Variants in ZNF385D observed in about 807,000 individuals in gnomAD.
ZNF385D encodes the protein zinc finger protein 385D.
Under a neutral mutation model 35.8 loss-of-function variants are expected in ZNF385D, and 15 were observed. The ratio of observed to expected loss-of-function variants is 0.42; its 90% CI spans 0.28 to 0.64. The LOEUF is 0.64. Among genes scored for constraint, ZNF385D ranks in the 30% least tolerant of loss-of-function variants. The pLI, the probability that ZNF385D is intolerant of heterozygous loss-of-function variation, is 0.23. For missense variants in ZNF385D, 474 were observed against 494.6 expected, an observed-to-expected ratio of 0.96 and a Z score of 0.39; for synonymous variants, 212 against 186.8, an observed-to-expected ratio of 1.13 and a Z score of -1.10.
chr3:22,232,594 T>C (rs1385197915), intron 2 of ZNF385D, among the ~76,000 whole-genome samples: 1 of 152,176 alleles, frequency 6.6e-6, no homozygotes, highest in South Asian at 2.1e-4. Flanking sequence ...TGTGACCATG[T>C]GTTCTCATTG....
intron 3 of ZNF385D, among the ~76,000 whole-genome samples, chr3:21,815,661 C>G (rs1023099450): frequency 2.6e-5 from 4 of 152,310 alleles, no homozygotes; most frequent in African/African-American, 9.6e-5. Flanking sequence ...AGACCAATAG[C>G]AGGCTCTGAA....
At position 22,272,913 on chromosome 3, in the gene ZNF385D, C is replaced by T. The variant is rs146609086; in HGVS notation, c.106+99537G>A. Among the ~76,000 whole-genome samples the T allele has an allele frequency of 3.4e-3, 515 of 151,994 alleles. 9 individuals are homozygous for T. Among genetic ancestry groups the T allele is most frequent in the African/African-American group, 0.011 (458 of 41,510 alleles). On this transcript the variant is annotated intron_variant, in intron 2 of 5. Coordinates refer to the ZNF385D transcript ENST00000494108. Reference sequence around the variant, plus strand: ...GTGGGTTACCTCGGGGGCCAACTTTCAGAAACGATCAGAAATAAGAGAGGA... The same window carrying T: ...GTGGGTTACCTCGGGGGCCAACTTTTAGAAACGATCAGAAATAAGAGAGGA...
At chr3:22,009,385 A>G (rs1234248870) in intron 3 of ZNF385D, among the ~76,000 whole-genome samples, 3 of 152,110 alleles carry the variant, frequency 2.0e-5, no homozygotes, top group Non-Finnish European at 4.4e-5. Context: ...GCATTTTGGG[A>G]GGCCAAGTCA....
At chr3:22,117,328 T>G (rs1009313291) in intron 3 of ZNF385D, among the ~76,000 whole-genome samples, 12 of 152,014 alleles carry the variant, frequency 7.9e-5, no homozygotes, top group African/African-American at 2.9e-4. Context: ...GATAAGCAGG[T>G]TGCAAAATGG....
intron 3 of ZNF385D, among the ~76,000 whole-genome samples, chr3:21,849,006 GT>G (rs1173350351): frequency 1.3e-5 from 2 of 151,980 alleles, no homozygotes; most frequent in Admixed American, 6.6e-5. Context: ...CTTTCTTAAA[GT>G]TTTATCAACA....
chr3:22,335,186 G>A (rs1320202520), intron 2 of ZNF385D, among the ~76,000 whole-genome samples: 4 of 152,016 alleles, frequency 2.6e-5, no homozygotes, highest in East Asian at 1.9e-4. Flanking sequence ...TTATAAGTTC[G>A]GCTGGCACTC....
chr3:22,095,141 G>T (rs1701547031), intron 3 of ZNF385D, among the ~76,000 whole-genome samples: 1 of 134,454 alleles, frequency 7.4e-6, no homozygotes, highest in African/African-American at 2.8e-5. Context: ...TGTCCATGCT[G>T]GTCTCAAACT....
At chr3:21,621,682 G>A (rs1018315992) in intron 2 of ZNF385D, among the ~76,000 whole-genome samples, 2 of 151,156 alleles carry the variant, frequency 1.3e-5, no homozygotes, top group African/African-American at 4.9e-5. Flanking sequence ...AAGGACAGAG[G>A]CATGTGAGCT....
chr3:21,739,586 C>G (rs1192672265), intron 1 of ZNF385D, among the ~76,000 whole-genome samples: 1 of 151,956 alleles, frequency 6.6e-6, no homozygotes, highest in Admixed American at 6.6e-5. Context: ...CCCTAAGCAG[C>G]GAACAAAAAA....
chr3:22,213,453 G>A (rs1013638884), intron 2 of ZNF385D, among the ~76,000 whole-genome samples: 1 of 152,006 alleles, frequency 6.6e-6, no homozygotes, highest in Non-Finnish European at 1.5e-5. Context: ...TTTACTTCTA[G>A]AAATAGAATA....
chr3:22,013,995 T>G (rs773232929), intron 3 of ZNF385D, among the ~76,000 whole-genome samples: 6 of 152,108 alleles, frequency 3.9e-5, no homozygotes, highest in South Asian at 2.1e-4. Flanking sequence ...AGGAAAATCA[T>G]TGGCAGGACA....
chr3:21,953,135 C>G (rs1242671355), intron 3 of ZNF385D, among the ~76,000 whole-genome samples: 1 of 151,898 alleles, frequency 6.6e-6, no homozygotes, highest in Non-Finnish European at 1.5e-5. Flanking sequence ...GCCAGATTTT[C>G]CTCAAGTGTT....
chr3:21,566,667 A>T (rs971715911), intron 2 of ZNF385D, among the ~76,000 whole-genome samples: 1 of 152,140 alleles, frequency 6.6e-6, no homozygotes, highest in Admixed American at 6.5e-5. Flanking sequence ...AGTGAATTCT[A>T]TAATATTTTC....
intron 2 of ZNF385D, among the ~76,000 whole-genome samples, chr3:22,181,506 C>A (rs901209128): frequency 6.6e-6 from 1 of 151,908 alleles, no homozygotes; most frequent in African/African-American, 2.4e-5. Flanking sequence ...ACCATGCTGG[C>A]GAACACGGTG....
chr3:21,881,709 A>T (rs1698284359), intron 3 of ZNF385D, among the ~76,000 whole-genome samples: 1 of 152,130 alleles, frequency 6.6e-6, no homozygotes, highest in South Asian at 2.1e-4. Flanking sequence ...GACTCCTCTG[A>T]TGGATCTGGG....
intron 1 of ZNF385D, among the ~76,000 whole-genome samples, chr3:21,702,979 C>T (rs1456726941): frequency 6.6e-6 from 1 of 152,146 alleles, no homozygotes; most frequent in Non-Finnish European, 1.5e-5. Context: ...TTCTTCTGAG[C>T]CCTCTAAACT....
chr3:22,112,410 A>C (rs1038676696), intron 3 of ZNF385D, among the ~76,000 whole-genome samples: 1 of 152,152 alleles, frequency 6.6e-6, no homozygotes, highest in Non-Finnish European at 1.5e-5. Flanking sequence ...TATACAGCAT[A>C]TACTTTTTAG....
intron 3 of ZNF385D, among the ~76,000 whole-genome samples, chr3:21,916,271 T>A (rs11129029): frequency 1.3e-5 from 2 of 151,938 alleles, no homozygotes; most frequent in African/African-American, 4.8e-5. Flanking sequence ...ATTTTGTCAA[T>A]TTAAATAACA....
chr3:22,029,576 A>G (rs1179489420), intron 3 of ZNF385D, among the ~76,000 whole-genome samples: 2 of 152,128 alleles, frequency 1.3e-5, no homozygotes, highest in Admixed American at 1.3e-4. Flanking sequence ...TATCATGAGT[A>G]TTTCCTTCTT....
Sources: gnomAD v4.1 joint callset for allele counts (sites outside exome capture counted in the v4.1 genomes callset) on GRCh38, gnomAD v4.1.1 for gene constraint, MANE v1.5 for transcripts, NCBI Gene and HGNC (gene_info 2026-07-23, HGNC 2026-07-21) for gene names.